EMP2: variants seen among roughly 807,000 people sequenced by gnomAD.
EMP2 encodes epithelial membrane protein 2.
A neutral mutation model predicts 13.7 loss-of-function variants in EMP2; 19 were observed. The observed-to-expected ratio is 1.38, with a 90% confidence interval of 0.97 to 2.03. The LOEUF (loss-of-function observed/expected upper bound fraction) is 2.03. Ranked by LOEUF, EMP2 falls within the 30% of genes most tolerant of loss-of-function variation. The pLI is 0.00. For missense variants in EMP2, 253 were observed against 220.7 expected, an observed-to-expected ratio of 1.15 and a Z score of -0.93; for synonymous variants, 97 against 84.7, an observed-to-expected ratio of 1.15 and a Z score of -0.80.
intron 1 of EMP2, among the ~76,000 whole-genome samples, chr16:10,573,459 G>C (rs1042629930): frequency 6.6e-6 from 1 of 152,098 alleles, no homozygotes; most frequent in Non-Finnish European, 1.5e-5. Flanking sequence ...GATGACACCT[G>C]CTCACACTGG....
chr16:10,565,158 G>C (rs1344918664), intron 1 of EMP2, among the ~76,000 whole-genome samples: 2 of 152,214 alleles, frequency 1.3e-5, no homozygotes, highest in Non-Finnish European at 2.9e-5. Context: ...AGGTGAAAGA[G>C]AATTTAAAAG....
At chr16:10,547,373 G>T in intron 2 of EMP2, 167 bp downstream of exon 2, 1 of 712,348 alleles carries the variant, frequency 1.4e-6, no homozygotes, top group Non-Finnish European at 2.3e-6. Context: ...CTTCTGCAGA[G>T]GCCTCCCAGA....
intron 1 of EMP2, among the ~76,000 whole-genome samples, chr16:10,561,836 A>G (rs1210629725): frequency 6.6e-6 from 1 of 152,190 alleles, no homozygotes; most frequent in African/African-American, 2.4e-5. Flanking sequence ...GATTTCAAGG[A>G]GCTAAAGGGC....
chr16:10,557,343 T>C (rs1209237435), intron 1 of EMP2, among the ~76,000 whole-genome samples: 12 of 137,012 alleles, frequency 8.8e-5, no homozygotes, highest in Non-Finnish European at 1.4e-4. Context: ...GGTGACAGAG[T>C]GAGACTCCAT....
intron 1 of EMP2, among the ~76,000 whole-genome samples, chr16:10,567,881 C>T (rs1214033672): frequency 6.6e-6 from 1 of 152,190 alleles, no homozygotes; most frequent in East Asian, 1.9e-4. Flanking sequence ...ATATTGTCTG[C>T]TTGGGTTCAC....
chr16:10,528,752 C>G lies in EMP2; in HGVS notation c.*4153G>C, dbSNP rs1032857526. The stretch of plus-strand genomic sequence containing the variant: ...CATTTCCCCAACACCACAAAATTGT[C>G]CAACTTGCTCTATTGTAAGTAACCT... On this transcript the variant is annotated 3_prime_UTR_variant, in exon 5 of 5. Transcript: ENST00000359543. 2 of 152,222 alleles carry G rather than the reference C, an allele frequency of 1.3e-5. No homozygotes were observed. Among genetic ancestry groups the G allele is most frequent in the Admixed American group, 1.3e-4 (2 of 15,272 alleles). 9.4% of individuals were successfully genotyped at this position (152,222 alleles called of 1,614,324 possible). A position where few individuals can be genotyped will look rare whatever the true frequency, so the allele number is the denominator to read the frequency against.
intron 1 of EMP2, among the ~76,000 whole-genome samples, chr16:10,562,386 ATCTC>A (rs1272515047): frequency 2.8e-5 from 3 of 108,064 alleles, no homozygotes; most frequent in South Asian, 3.4e-4. Context: ...CTCTCTATCT[ATCTC>A]TCTCTCTCTA....
rs78445307 is a variant in EMP2 at position 10,549,750 on chromosome 16, T to C, written c.-60-2073A>G. Among the ~76,000 whole-genome samples, 148 of 108,536 alleles carry C rather than the reference T, an allele frequency of 1.4e-3. 4 individuals carry two copies. In the South Asian group the frequency reaches 0.037, roughly 27 times the overall value. 71.2% of individuals were successfully genotyped at this position (108,536 alleles called of 152,430 possible). A position where few individuals can be genotyped will look rare whatever the true frequency, so the allele number is the denominator to read the frequency against. On this transcript the variant is annotated intron_variant, in intron 1 of 4. Transcript: ENST00000359543. ...ACACTCACACACACACACACACACA[T>C]ACACTGTCTCTCTTTTTCTGAACCA...
At position 10,548,796 on chromosome 16, in the gene EMP2, A is replaced by C. The variant is rs575535550; in HGVS notation, c.-60-1119T>G. ...TCCCATTTGAACAACACTGGACCCC[A>C]AAAAAATACAACAAGTGGCAGACAG... On this transcript the variant is annotated intron_variant, in intron 1 of 4. Coordinates refer to ENST00000359543, the MANE Select transcript of EMP2 (RefSeq NM_001424.6). Among the ~76,000 whole-genome samples the C allele has an allele frequency of 3.9e-5, 6 of 152,338 alleles. No individual in the cohort carries two copies. The South Asian group carries it at 1.0e-3, about 26-fold the overall frequency.
intron 3 of EMP2, among the ~76,000 whole-genome samples, chr16:10,541,994 G>T (rs984864086): frequency 2.0e-5 from 3 of 152,164 alleles, no homozygotes; most frequent in Non-Finnish European, 2.9e-5. Flanking sequence ...ACTGAGTGTG[G>T]TGAGAATCTG....
At chr16:10,559,571 A>T (rs2050857492) in intron 1 of EMP2, among the ~76,000 whole-genome samples, 1 of 152,246 alleles carries the variant, frequency 6.6e-6, no homozygotes, top group Non-Finnish European at 1.5e-5. Flanking sequence ...ATGATAGCCA[A>T]CATTAGTTGT....
intron 1 of EMP2, among the ~76,000 whole-genome samples, chr16:10,562,306 G>A (rs1220267978): frequency 6.6e-6 from 1 of 150,450 alleles, no homozygotes; most frequent in Non-Finnish European, 1.5e-5. Flanking sequence ...TGCCAATTCT[G>A]GGCCAAAGCC....
intron 1 of EMP2, among the ~76,000 whole-genome samples, chr16:10,552,290 G>A (rs1187936639): frequency 3.3e-5 from 5 of 151,992 alleles, no homozygotes; most frequent in African/African-American, 1.2e-4. Context: ...CAGCTGGGAT[G>A]ACACAAATGC....
At chr16:10,535,036 G>A (rs915746883) in intron 4 of EMP2, among the ~76,000 whole-genome samples, 3 of 152,198 alleles carry the variant, frequency 2.0e-5, no homozygotes, top group African/African-American at 4.8e-5. Flanking sequence ...CCCTGGAGCC[G>A]CTGCCTATCA....
At chr16:10,565,892 G>A (rs1387630151) in intron 1 of EMP2, among the ~76,000 whole-genome samples, 1 of 152,198 alleles carries the variant, frequency 6.6e-6, no homozygotes, top group Non-Finnish European at 1.5e-5. Flanking sequence ...CTGTCCCACT[G>A]GAGTGCTTCT....
chr16:10,547,567 G>C lies in EMP2; in HGVS notation c.51C>G (p.Ala17=). The C allele has an allele frequency of 6.2e-7, 1 of 1,614,170 alleles. No homozygotes were observed. The change falls in exon 2 of 5, where the codon GCC becomes GCG. Residue 17 remains alanine, a synonymous_variant. Coordinates refer to ENST00000359543, the MANE Select transcript of EMP2 (RefSeq NM_001424.6). The stretch of plus-strand genomic sequence containing the variant: ...TGTCGACGGTGGCAATGAACAGCAA[G>C]GCTGCAGAGGTGATGTGGAAGGCGA... ...FIIAFHITSA[A]LLFIATVDNA...
chr16:10,555,580 C>A (rs2050821364), intron 1 of EMP2, among the ~76,000 whole-genome samples: 1 of 146,080 alleles, frequency 6.8e-6, no homozygotes, highest in African/African-American at 2.6e-5. Flanking sequence ...AACCTGGAAG[C>A]AGTCACTTTT....
rs2050616655 is a variant in EMP2, at chr16:10,532,777, TTTTTTTTTTGGC to T, written c.*116_*127del. Reference sequence around the variant, plus strand: ...TTTTTTCTTTTTTTTTTTTTTTTTTTTTTTTTTTTGGCTTTTAAAGGAAACAATACGTTTGCT... The same window carrying T: ...TTTTTTCTTTTTTTTTTTTTTTTTTTTTTTAAAGGAAACAATACGTTTGCT... On this transcript the variant is annotated 3_prime_UTR_variant, in exon 5 of 5. Transcript: ENST00000359543. The T allele has an allele frequency of 4.0e-5, 15 of 374,144 alleles. No homozygotes were observed. The highest frequency in any genetic ancestry group is 5.8e-5 in the East Asian group (1 of 17,142). 23.2% of individuals were successfully genotyped at this position (374,144 alleles called of 1,614,324 possible).
intron 1 of EMP2, among the ~76,000 whole-genome samples, chr16:10,567,611 C>G (rs2050916227): frequency 1.3e-5 from 2 of 152,112 alleles, no homozygotes; most frequent in Non-Finnish European, 2.9e-5. Context: ...AGGGTCAAGT[C>G]CAAGGTGGGG....
Sources: allele counts gnomAD v4.1 joint callset (sites outside exome capture counted in the v4.1 genomes callset), GRCh38; gene constraint gnomAD v4.1.1; transcripts MANE v1.5; gene names NCBI Gene and HGNC (gene_info 2026-07-23, HGNC 2026-07-21).